Variants in CYRIB observed in about 807,000 individuals in gnomAD.
CYRIB encodes the protein CYFIP related Rac1 interactor B, also known as CYFIP-related Rac1 interactor B.
Under a neutral mutation model 44.2 loss-of-function variants are expected in CYRIB, and 8 were observed. The observed-to-expected ratio is 0.18, with a 90% CI of 0.11 to 0.33. CYRIB has a LOEUF of 0.33. CYRIB is among the 10% of genes least tolerant of loss of function. The probability of loss-of-function intolerance (pLI) is 1.00; values close to 1 mark genes in which losing one functional copy is unlikely to be tolerated. For missense variants in CYRIB, 185 were observed against 382.8 expected (o/e 0.48, Z 4.31); for synonymous variants, 131 against 127.2 (o/e 1.03, Z -0.20).
chr8:129,860,303 T>C (rs142357008), intron 5 of CYRIB, among the ~76,000 whole-genome samples: 1 of 152,310 alleles, frequency 6.6e-6, no homozygotes, highest in Non-Finnish European at 1.5e-5. Flanking sequence ...TGAGCTTGAA[T>C]AGCATCTGAG....
intron 1 of CYRIB, among the ~76,000 whole-genome samples, chr8:130,011,031 C>T (rs892628719): frequency 1.3e-5 from 2 of 152,080 alleles, no homozygotes; most frequent in Non-Finnish European, 1.5e-5. Context: ...TAGAAGCCTC[C>T]GGAACTATGG....
chr8:129,890,054 G>A (rs943753606), intron 2 of CYRIB, among the ~76,000 whole-genome samples: 4 of 152,080 alleles, frequency 2.6e-5, no homozygotes, highest in East Asian at 1.9e-4. Flanking sequence ...GATTACAGGC[G>A]CGAGCCATTA....
chr8:129,870,449 T>C (rs573119228), intron 4 of CYRIB, among the ~76,000 whole-genome samples: 1 of 152,220 alleles, frequency 6.6e-6, no homozygotes, highest in Non-Finnish European at 1.5e-5. Flanking sequence ...ACTCTCTCTC[T>C]TCCCTTGCCC....
At chr8:129,993,574 G>A (rs1443502329) in intron 1 of CYRIB, among the ~76,000 whole-genome samples, 1 of 151,802 alleles carries the variant, frequency 6.6e-6, no homozygotes, top group Non-Finnish European at 1.5e-5. Flanking sequence ...GCAGGCACCT[G>A]TAGTCCCAGC....
intron 3 of CYRIB, among the ~76,000 whole-genome samples, chr8:129,877,004 A>G (rs1427152562): frequency 1.3e-5 from 2 of 152,236 alleles, no homozygotes; most frequent in East Asian, 3.8e-4. Context: ...CCCATCTGAT[A>G]GGCCAAGGTC....
At chr8:129,854,608 TAAAC>T (rs1722881305) in intron 6 of CYRIB, among the ~76,000 whole-genome samples, 1 of 152,180 alleles carries the variant, frequency 6.6e-6, no homozygotes, top group South Asian at 2.1e-4. Flanking sequence ...GTTTATCAAA[TAAAC>T]AAAAACAAAA....
chr8:129,865,032 T>A (rs1227887172), intron 4 of CYRIB: 2 of 170,516 alleles, frequency 1.2e-5, no homozygotes, highest in Non-Finnish European at 1.3e-5. Flanking sequence ...TTGGAGAAGG[T>A]AGAATGCTCT....
intron 1 of CYRIB, among the ~76,000 whole-genome samples, chr8:129,932,910 T>C (rs564857037): frequency 6.6e-5 from 10 of 152,296 alleles, no homozygotes; most frequent in African/African-American, 2.4e-4. Context: ...GTGGAATTAA[T>C]GTTTAGAAAC....
At chr8:129,889,403 C>T (rs1367689559) in intron 2 of CYRIB, among the ~76,000 whole-genome samples, 1 of 152,162 alleles carries the variant, frequency 6.6e-6, no homozygotes, top group Non-Finnish European at 1.5e-5. Flanking sequence ...GTAATTCTGG[C>T]TCTTAAGTCT....
chr8:129,881,043 C>G (rs902126853), intron 2 of CYRIB, among the ~76,000 whole-genome samples: 1 of 152,136 alleles, frequency 6.6e-6, no homozygotes, highest in Non-Finnish European at 1.5e-5. Context: ...ACTGAATAAT[C>G]AACTATACAC....
intron 2 of CYRIB, among the ~76,000 whole-genome samples, chr8:129,966,867 A>T (rs1266179219): frequency 1.3e-5 from 2 of 151,550 alleles, no homozygotes; most frequent in African/African-American, 2.4e-5. Context: ...GCTAATTTAT[A>T]TTTTTTTTGT....
intron 1 of CYRIB, among the ~76,000 whole-genome samples, chr8:129,929,087 G>A (rs1013846061): frequency 1.3e-5 from 2 of 152,028 alleles, no homozygotes; most frequent in Non-Finnish European, 2.9e-5. Context: ...CCACAGAATG[G>A]AATATTACTC....
At chr8:129,924,517 C>T (rs1436384189) in intron 1 of CYRIB, among the ~76,000 whole-genome samples, 2 of 152,016 alleles carry the variant, frequency 1.3e-5, no homozygotes, top group African/African-American at 4.8e-5. Context: ...CTGAACAAGC[C>T]GAACCCGTGG....
At chr8:129,940,473 A>T (rs2093605415), upstream of CYRIB, among the ~76,000 whole-genome samples, 2 of 152,220 alleles carry the variant, frequency 1.3e-5, no homozygotes, top group South Asian at 4.1e-4. Flanking sequence ...ACTCTCAGAT[A>T]TATCAGACCC....
At chr8:129,854,856 GGAACTCA>G (rs1587346596) in intron 6 of CYRIB, among the ~76,000 whole-genome samples, 3 of 151,998 alleles carry the variant, frequency 2.0e-5, no homozygotes, top group African/African-American at 7.3e-5. Context: ...AGTATAAACT[GGAACTCA>G]GGTCTCTTGA....
intron 1 of CYRIB, among the ~76,000 whole-genome samples, chr8:129,972,255 C>T (rs2095726408): frequency 1.3e-5 from 2 of 152,142 alleles, no homozygotes; most frequent in South Asian, 2.1e-4. Context: ...GTTTCACATT[C>T]CCTTTTAAAT....
At chr8:129,913,037 T>A (rs969446197) in intron 1 of CYRIB, among the ~76,000 whole-genome samples, 2 of 149,884 alleles carry the variant, frequency 1.3e-5, no homozygotes, top group Admixed American at 1.4e-4. Flanking sequence ...AGTGGCATGA[T>A]CTAGGCTCAC....
At chr8:129,935,364 G>C (rs1377035359) in intron 1 of CYRIB, among the ~76,000 whole-genome samples, 1 of 152,206 alleles carries the variant, frequency 6.6e-6, no homozygotes, top group African/African-American at 2.4e-5. Flanking sequence ...GGGCGACAGG[G>C]GGAATGGTTT....
intron 1 of CYRIB, among the ~76,000 whole-genome samples, chr8:130,000,916 T>G (rs568626379): frequency 6.6e-6 from 1 of 152,112 alleles, no homozygotes; most frequent in African/African-American, 2.4e-5. Context: ...CCCAAAAAAA[T>G]AATTGTCCAC....
Sources: gnomAD v4.1 joint callset for allele counts (sites outside exome capture counted in the v4.1 genomes callset) on GRCh38, gnomAD v4.1.1 for gene constraint, MANE v1.5 for transcripts, NCBI Gene and HGNC (gene_info 2026-07-23, HGNC 2026-07-21) for gene names.